Variants in PHYHIPL observed in about 807,000 individuals in gnomAD.
PHYHIPL encodes phytanoyl-CoA 2-hydroxylase interacting protein like.
Under a neutral mutation model 33.4 loss-of-function variants are expected in PHYHIPL, and 9 were observed. The observed-to-expected ratio is 0.27, with a 90% CI of 0.16 to 0.47. The LOEUF is 0.47. PHYHIPL is among the 20% of genes least tolerant of loss of function. PHYHIPL has a pLI of 0.99. For synonymous variants in PHYHIPL, 153 were observed against 154.1 expected (o/e 0.99, Z 0.05); for missense variants, 365 against 460.7 (o/e 0.79, Z 1.90).
At chr10:59,178,837 A>C (rs1838323617) in intron 1 of PHYHIPL, among the ~76,000 whole-genome samples, 3 of 152,236 alleles carry the variant, frequency 2.0e-5, no homozygotes, top group African/African-American at 7.2e-5. Context: ...TTTCTTTTCA[A>C]ATTAGGAATC....
chr10:59,199,194 A>G (rs1839020300), intron 1 of PHYHIPL, among the ~76,000 whole-genome samples: 2 of 152,292 alleles, frequency 1.3e-5, no homozygotes, highest in South Asian at 2.1e-4. Flanking sequence ...TTTTAGGTCT[A>G]ACATTTAAGT....
chr10:59,173,921 GTTTTTTTTTTTTTTTTTTTTTTTTTT>G (rs368316005), upstream of PHYHIPL, among the ~76,000 whole-genome samples: 5 of 57,528 alleles, frequency 8.7e-5, no homozygotes, highest in Non-Finnish European at 1.5e-4. Flanking sequence ...TACTTCTGAG[GTTTTTTTTTTTTTTTTTTTTTTTTTT>G]TTTTTTTTTT....
chr10:59,205,394 A>G (rs1287299775), intron 1 of PHYHIPL, among the ~76,000 whole-genome samples: 1 of 152,194 alleles, frequency 6.6e-6, no homozygotes, highest in African/African-American at 2.4e-5. Flanking sequence ...AAAGAAAATT[A>G]CAACCATGTT....
At chr10:59,199,050 C>G (rs1362897418) in intron 1 of PHYHIPL, among the ~76,000 whole-genome samples, 5 of 152,102 alleles carry the variant, frequency 3.3e-5, no homozygotes, top group Non-Finnish European at 5.9e-5. Context: ...TGCAGAAGCT[C>G]TTTAGTTTAA....
intron 4 of PHYHIPL, among the ~76,000 whole-genome samples, chr10:59,242,591 G>T (rs1368038712): frequency 2.0e-5 from 3 of 152,004 alleles, no homozygotes; most frequent in Non-Finnish European, 4.4e-5. Flanking sequence ...CCAAAATAAT[G>T]CAGATCTTGG....
intron 1 of PHYHIPL, among the ~76,000 whole-genome samples, chr10:59,223,996 C>T (rs765096273): frequency 1.3e-5 from 2 of 152,054 alleles, no homozygotes; most frequent in African/African-American, 2.4e-5. Context: ...AGCTAAGGCT[C>T]AGAGAGACTA....
At chr10:59,201,856 G>A (rs1180392530) in intron 1 of PHYHIPL, among the ~76,000 whole-genome samples, 2 of 152,254 alleles carry the variant, frequency 1.3e-5, no homozygotes, top group South Asian at 4.1e-4. Context: ...CTTACTTGAA[G>A]ATTAGAGGTT....
chr10:59,202,072 G>C (rs1014059901), intron 1 of PHYHIPL, among the ~76,000 whole-genome samples: 2 of 152,108 alleles, frequency 1.3e-5, no homozygotes, highest in Non-Finnish European at 2.9e-5. Flanking sequence ...TAATAGACCA[G>C]GTATAAGGAA....
At chr10:59,208,190 C>T (rs963096100) in intron 1 of PHYHIPL, among the ~76,000 whole-genome samples, 3 of 152,134 alleles carry the variant, frequency 2.0e-5, no homozygotes, top group Admixed American at 6.5e-5. Context: ...TGGCATCTGG[C>T]GGATGCCCTT....
chr10:59,205,371 C>A (rs942758889), intron 1 of PHYHIPL, among the ~76,000 whole-genome samples: 1 of 152,122 alleles, frequency 6.6e-6, no homozygotes. Context: ...TTTTCCACAG[C>A]ATTTTCTCTT....
At chr10:59,200,081 T>G (rs534877535) in intron 1 of PHYHIPL, among the ~76,000 whole-genome samples, 1 of 152,282 alleles carries the variant, frequency 6.6e-6, no homozygotes, top group Non-Finnish European at 1.5e-5. Context: ...TGGCCAGAAC[T>G]TCCAACATTA....
chr10:59,213,542 A>G (rs1322433278), intron 1 of PHYHIPL, among the ~76,000 whole-genome samples: 1 of 152,136 alleles, frequency 6.6e-6, no homozygotes, highest in Non-Finnish European at 1.5e-5. Context: ...GGTGATCTCA[A>G]CTCATGTCTA....
chr10:59,211,664 TA>T (rs58992023), intron 1 of PHYHIPL, among the ~76,000 whole-genome samples: 2,076 of 73,880 alleles, frequency 0.028, 64 homozygotes, highest in African/African-American at 0.073. Flanking sequence ...GCGGACTCTC[TA>T]AAAAAAAAAA....
chr10:59,191,488 A>G (rs147756104), intron 1 of PHYHIPL, among the ~76,000 whole-genome samples: 76 of 152,110 alleles, frequency 5.0e-4, no homozygotes, highest in African/African-American at 1.8e-3. Flanking sequence ...CAGTCACTGT[A>G]TGTTTTACTG....
At chr10:59,192,787 G>A (rs548274397) in intron 1 of PHYHIPL, among the ~76,000 whole-genome samples, 10 of 152,210 alleles carry the variant, frequency 6.6e-5, no homozygotes, top group African/African-American at 2.4e-4. Context: ...TGCTAGATTT[G>A]GAGATGGGGT....
chr10:59,232,252 C>G (rs1011985181), intron 1 of PHYHIPL, among the ~76,000 whole-genome samples: 2 of 151,828 alleles, frequency 1.3e-5, no homozygotes, highest in Non-Finnish European at 2.9e-5. Context: ...TTACGACTAC[C>G]TAAGTAAGAA....
At chr10:59,221,727 T>C (rs1839782475) in intron 1 of PHYHIPL, 1 of 974,432 alleles carries the variant, frequency 1.0e-6, no homozygotes. Flanking sequence ...CAAGTTTTCC[T>C]GGCTTCTCAT....
chr10:59,221,968 A>C (rs1279532278), intron 1 of PHYHIPL, among the ~76,000 whole-genome samples: 1 of 152,046 alleles, frequency 6.6e-6, no homozygotes, highest in Non-Finnish European at 1.5e-5. Context: ...CATGTCCTCT[A>C]TTTCTAACTC....
intron 1 of PHYHIPL, among the ~76,000 whole-genome samples, chr10:59,205,443 T>G (rs1458385154): frequency 1.3e-5 from 2 of 152,230 alleles, no homozygotes; most frequent in Non-Finnish European, 2.9e-5. Context: ...ATTGTTCACA[T>G]TATTAATAAT....
Sources: allele counts gnomAD v4.1 joint callset (sites outside exome capture counted in the v4.1 genomes callset), GRCh38; gene constraint gnomAD v4.1.1; transcripts MANE v1.5; gene names NCBI Gene and HGNC (gene_info 2026-07-23, HGNC 2026-07-21).